Variants in IPO5 observed in about 807,000 individuals in gnomAD.
IPO5 encodes importin 5.
Under a neutral mutation model 143.3 loss-of-function variants are expected in IPO5, and 18 were observed. The ratio of observed to expected loss-of-function variants is 0.13; its 90% CI spans 0.09 to 0.19. The LOEUF (loss-of-function observed/expected upper bound fraction) is 0.19, where lower values mean the gene tolerates loss of function less well. Among genes scored for constraint, IPO5 ranks in the 10% least tolerant of loss-of-function variants. The pLI is 1.00. For synonymous variants in IPO5, 477 were observed against 465.7 expected (o/e 1.02, Z -0.31); for missense variants, 1,013 against 1,336.9 (o/e 0.76, Z 3.78).
At position 98,006,349 on chromosome 13, in the gene IPO5, G is replaced by C; in HGVS notation, c.1716+1G>C. The C allele has an allele frequency of 5.9e-6, 3 of 512,400 alleles. No homozygotes were observed. The highest frequency in any genetic ancestry group is 3.3e-6 in the Non-Finnish European group (1 of 301,630). The allele number at this position is 512,400 out of a possible 1,614,324, so 31.7% of individuals were successfully genotyped here. A position where few individuals can be genotyped will look rare whatever the true frequency, so the allele number is the denominator to read the frequency against. On this transcript the variant is annotated splice_donor_variant, in intron 17 of 28. Transcript: ENST00000651721. LOFTEE classifies it high-confidence loss of function. The stretch of plus-strand genomic sequence containing the variant: ...TGGTCTGGCTGTTGGGAAGGAAAAA[G>C]TAAGTAATTTTTTTTTTTTTTTTTT...
In IPO5 at chr13:97,990,558, A is replaced by G. The variant is rs201549460; in HGVS notation, c.669+21A>G. 5 of 1,318,002 alleles carry G rather than the reference A, an allele frequency of 3.8e-6. No homozygotes were observed. The Admixed American group carries it at 1.1e-4, about 30-fold the overall frequency. The allele number at this position is 1,318,002 out of a possible 1,614,324, so 81.6% of individuals were successfully genotyped here. On this transcript the variant is annotated intron_variant, in intron 9 of 28. Transcript: ENST00000651721. ...TACAGGTATGAAAGCAATATAGAAT[A>G]AATCATAATTATATCTTATTTGGTT...
At chr13:97,997,008 A>G (rs1486620571) in intron 11 of IPO5, among the ~76,000 whole-genome samples, 1 of 152,228 alleles carries the variant, frequency 6.6e-6, no homozygotes, top group Non-Finnish European at 1.5e-5. Context: ...ATAGGAGGAA[A>G]AAATTGGAAA....
chr13:98,021,433 A>G (rs1890480705), intron 28 of IPO5: 2 of 353,454 alleles, frequency 5.7e-6, no homozygotes, highest in African/African-American at 4.2e-5. Flanking sequence ...TTTAATAATA[A>G]CTTGTCATCT....
At chr13:98,004,368 G>A (rs1475396879) in intron 16 of IPO5, among the ~76,000 whole-genome samples, 1 of 152,172 alleles carries the variant, frequency 6.6e-6, no homozygotes, top group Admixed American at 6.5e-5. Context: ...GATGACAGCA[G>A]ACTAAGAATA....
At chr13:97,971,421 AT>A (rs145264335) in intron 3 of IPO5, among the ~76,000 whole-genome samples, 2,351 of 152,308 alleles carry the variant, frequency 0.015, 70 homozygotes, top group African/African-American at 0.054. Context: ...ATTTTCAATA[AT>A]TTTTCAACCA....
chr13:98,012,930 G>A (rs1889837854), intron 21 of IPO5, among the ~76,000 whole-genome samples: 1 of 151,284 alleles, frequency 6.6e-6, no homozygotes, highest in Admixed American at 6.6e-5. Context: ...ACACACCTGA[G>A]CACTGTGCCT....
chr13:98,015,087 T>A (rs1419054156), intron 22 of IPO5, among the ~76,000 whole-genome samples: 1 of 152,206 alleles, frequency 6.6e-6, no homozygotes, highest in African/African-American at 2.4e-5. Flanking sequence ...TTTACACTCC[T>A]GTAATTCAGA....
chr13:97,979,166 A>G (rs555325310), intron 4 of IPO5, among the ~76,000 whole-genome samples: 2 of 152,202 alleles, frequency 1.3e-5, no homozygotes, highest in Non-Finnish European at 2.9e-5. Flanking sequence ...AGTCTGATAC[A>G]GCAAATATAG....
chr13:97,980,174 G>A (rs1886718162), intron 4 of IPO5, among the ~76,000 whole-genome samples: 1 of 152,148 alleles, frequency 6.6e-6, no homozygotes, highest in Non-Finnish European at 1.5e-5. Flanking sequence ...ACACTAATAT[G>A]CTACGTACTT....
At chr13:98,019,548 T>G (rs755533456) in intron 26 of IPO5, 33 bp from the exon 27 acceptor site, 126 of 1,452,106 alleles carry the variant, frequency 8.7e-5, no homozygotes, top group Non-Finnish European at 1.2e-4. Flanking sequence ...AATGTGAGGT[T>G]TTAGCTGAAC....
chr13:98,002,980 A>T lies in IPO5; in HGVS notation c.1440A>T (p.Pro480=), dbSNP rs570850185. The part of the protein sequence containing the change: ...TEDCPKSLLI[P]YLDNLVKHLH... The stretch of plus-strand genomic sequence containing the variant: ...ACTGTCCCAAGTCACTACTTATTCC[A>T]TACTTGGATAATTTGGTGAAACATC... The change falls in exon 16 of 29, where the codon CCA becomes CCT. Residue 480 remains proline (P), a synonymous_variant. Coordinates refer to ENST00000651721, the MANE Select transcript of IPO5 (RefSeq NM_002271.6). The T allele has an allele frequency of 6.2e-7, 1 of 1,613,828 alleles. No homozygotes were observed. The highest frequency in any genetic ancestry group is 1.3e-5 in the African/African-American group (1 of 75,030).
In IPO5 at chr13:97,957,525, T is replaced by C. The variant is rs542761843; in HGVS notation, c.-113+3327T>C. 2.5e-4 allele frequency among the ~76,000 whole-genome samples: 38 copies of C among 152,282 alleles called. No homozygotes were observed. The South Asian group carries it at 5.4e-3, about 22-fold the overall frequency. ...CTAAGTTCTTTAAATGATCATTCCA[T>C]ATTGTTAAACAATGTTTCTAAGTGA... On this transcript the variant is annotated intron_variant, in intron 2 of 28. Coordinates refer to ENST00000651721, the MANE Select transcript of IPO5 (RefSeq NM_002271.6).
At chr13:97,992,760 T>C (rs1339777902) in intron 9 of IPO5, 132 bp from the exon 10 acceptor site, 28 of 932,218 alleles carry the variant, frequency 3.0e-5, no homozygotes, top group Non-Finnish European at 4.2e-5. Flanking sequence ...TTGCATAATA[T>C]AGATTGCTAA....
chr13:98,013,924 C>G (rs1889909945), intron 21 of IPO5, 118 bp from the exon 22 acceptor site: 2 of 764,908 alleles, frequency 2.6e-6, no homozygotes, highest in Non-Finnish European at 4.2e-6. Context: ...ATATTTAACA[C>G]AAGCTCTTGG....
At chr13:97,988,980 G>T (rs1887601317) in intron 6 of IPO5, 82 bp from the exon 7 acceptor site, 2 of 734,366 alleles carry the variant, frequency 2.7e-6, no homozygotes, top group East Asian at 5.4e-5. Context: ...TTTGAATGAG[G>T]CTTATGAAAT....
At chr13:98,005,811 G>T (rs1174912969) in intron 16 of IPO5, among the ~76,000 whole-genome samples, 1 of 152,022 alleles carries the variant, frequency 6.6e-6, no homozygotes, top group Non-Finnish European at 1.5e-5. Flanking sequence ...AGGATGAAGT[G>T]TAGGCATTAA....
intron 11 of IPO5, among the ~76,000 whole-genome samples, chr13:97,993,581 C>T (rs1887976401): frequency 6.6e-6 from 1 of 152,196 alleles, no homozygotes; most frequent in African/African-American, 2.4e-5. Context: ...AATAGCATGT[C>T]TTGCTTACCA....
intron 20 of IPO5, among the ~76,000 whole-genome samples, chr13:98,011,616 C>T (rs573390183): frequency 2.6e-5 from 4 of 151,966 alleles, no homozygotes; most frequent in African/African-American, 7.2e-5. Context: ...AAGCGATTCT[C>T]CTGCCTCAGC....
intron 22 of IPO5, among the ~76,000 whole-genome samples, chr13:98,014,838 C>CTTTTTT (rs780865647): frequency 8.2e-6 from 1 of 122,182 alleles, no homozygotes. Flanking sequence ...CAATTCTTCT[C>CTTTTTT]TTTTTTTTTT....
Sources: allele counts gnomAD v4.1 joint callset (sites outside exome capture counted in the v4.1 genomes callset), GRCh38; gene constraint gnomAD v4.1.1; transcripts MANE v1.5; gene names NCBI Gene and HGNC (gene_info 2026-07-23, HGNC 2026-07-21).